The following NEURL1 variants were observed in gnomAD, a reference collection of about 807,000 sequenced individuals.
The protein encoded by NEURL1 is neuralized E3 ubiquitin protein ligase 1.
NEURL1 carries 26 observed loss-of-function variants against 41.2 expected under a neutral mutation model. The observed-to-expected ratio is 0.63, with a 90% CI of 0.46 to 0.87. The LOEUF (loss-of-function observed/expected upper bound fraction) is 0.87. Among genes scored for constraint, NEURL1 ranks in the 40% least tolerant of loss-of-function variants. The pLI is 0.00. For synonymous variants in NEURL1, 400 were observed against 402.3 expected (o/e 0.99, Z 0.07); for missense variants, 761 against 871.1 (o/e 0.87, Z 1.59).
At position 103,574,858 on chromosome 10, in the gene NEURL1, G is replaced by A. The variant is rs553386217; in HGVS notation, c.649+3036G>A. Among the ~76,000 whole-genome samples the A allele has an allele frequency of 7.2e-5, 11 of 152,268 alleles. No homozygotes were observed. The East Asian group carries it at 1.9e-3, about 27-fold the overall frequency. On this transcript the variant is annotated intron_variant, in intron 3 of 5. Transcript: ENST00000369780. ...CTGACAGGCTCCTCTCTGCACACCC[G>A]ATAAGGCTAAGGCCCCAGCGGATTC...
At chr10:103,494,784 G>C in intron 1 of NEURL1, 1 of 331,450 alleles carries the variant, frequency 3.0e-6, no homozygotes, top group Non-Finnish European at 5.3e-6. Flanking sequence ...GGAGTGGGGA[G>C]TGAGGAGGGA....
intron 4 of NEURL1, chr10:103,588,742 G>A: frequency 2.4e-6 from 1 of 423,756 alleles, no homozygotes; most frequent in South Asian, 1.7e-5. Context: ...TGAGGAGATG[G>A]AGACCATCTT....
intron 1 of NEURL1, among the ~76,000 whole-genome samples, chr10:103,522,382 C>T (rs1042136850): frequency 1.9e-4 from 29 of 151,072 alleles, no homozygotes; most frequent in African/African-American, 6.6e-4. Context: ...CCGAGGTGAG[C>T]GGGTCACCTG....
At chr10:103,519,917 G>T (rs2133854268) in intron 1 of NEURL1, among the ~76,000 whole-genome samples, 1 of 151,838 alleles carries the variant, frequency 6.6e-6, no homozygotes, top group Non-Finnish European at 1.5e-5. Context: ...CTGAGTAGCC[G>T]AGACTACAGG....
At chr10:103,526,928 C>CT (rs112480877) in intron 1 of NEURL1, among the ~76,000 whole-genome samples, 65,744 of 147,130 alleles carry the variant, frequency 0.45, 15,068 homozygotes, top group African/African-American at 0.58. Flanking sequence ...GTGGTATCAT[C>CT]TTTTTTTTTT....
At chr10:103,576,989 T>C (rs2035679336) in intron 3 of NEURL1, among the ~76,000 whole-genome samples, 1 of 152,114 alleles carries the variant, frequency 6.6e-6, no homozygotes, top group South Asian at 2.1e-4. Context: ...CACACTGCCA[T>C]CTGGGCCTTC....
chr10:103,539,917 G>T (rs556958409), intron 1 of NEURL1, among the ~76,000 whole-genome samples: 62 of 152,104 alleles, frequency 4.1e-4, no homozygotes, highest in Non-Finnish European at 6.2e-4. Context: ...CTGGAATGTG[G>T]GCAAGCTGGC....
intron 1 of NEURL1, among the ~76,000 whole-genome samples, chr10:103,569,021 C>G (rs935791658): frequency 5.6e-4 from 86 of 152,244 alleles, no homozygotes; most frequent in African/African-American, 2.0e-3. Flanking sequence ...CACCATATTG[C>G]CCAGGCTGGT....
At chr10:103,503,664 C>G (rs1018696500) in intron 1 of NEURL1, among the ~76,000 whole-genome samples, 1 of 152,122 alleles carries the variant, frequency 6.6e-6, no homozygotes, top group African/African-American at 2.4e-5. Context: ...GAGTGCTCAC[C>G]ACTTCCAGCT....
rs184225335 is a variant in NEURL1 at position 103,536,424 on chromosome 10, G to T, written c.86-34448G>T. Among the ~76,000 whole-genome samples, 120 of 152,148 alleles carry T rather than the reference G, an allele frequency of 7.9e-4. 1 individual carries two copies. Among genetic ancestry groups the T allele is most frequent in the African/African-American group, 2.8e-3 (116 of 41,508 alleles). ...CTGGGCGTGGGGGTGGGCACCTGTA[G>T]TTCCAGCTACTTGGGAGGCTGAGGC... On this transcript the variant is annotated intron_variant, in intron 1 of 5. Transcript: ENST00000369780.
In NEURL1 at chr10:103,590,463, C is replaced by T. The variant is rs2036017826; in HGVS notation, c.*91C>T. On this transcript the variant is annotated 3_prime_UTR_variant, in exon 6 of 6. Transcript: ENST00000369780. ...CAAGCCAGTGGGGCCCCTTCTCTTCCTCATTTTGGAAACTTTTCCTCCTCT... is the reference window on the plus strand; with the variant it reads ...CAAGCCAGTGGGGCCCCTTCTCTTCTTCATTTTGGAAACTTTTCCTCCTCT... The T allele has an allele frequency of 2.9e-6, 3 of 1,038,112 alleles. No homozygotes were observed. Among genetic ancestry groups the T allele is most frequent in the East Asian group, 4.9e-5 (2 of 41,038 alleles). 64.3% of individuals were successfully genotyped at this position (1,038,112 alleles called of 1,614,324 possible). A position where few individuals can be genotyped will look rare whatever the true frequency, so the allele number is the denominator to read the frequency against.
At chr10:103,584,320 TCA>T (rs1281889319) in intron 3 of NEURL1, among the ~76,000 whole-genome samples, 1 of 152,218 alleles carries the variant, frequency 6.6e-6, no homozygotes, top group East Asian at 1.9e-4. Flanking sequence ...CCACATGGTT[TCA>T]GTTTCGGTGC....
intron 1 of NEURL1, among the ~76,000 whole-genome samples, chr10:103,561,160 G>A (rs542754503): frequency 3.1e-4 from 47 of 152,300 alleles, no homozygotes; most frequent in Middle Eastern, 6.8e-3. Flanking sequence ...GCTTCCCCCC[G>A]AGGGAGCAAT....
chr10:103,550,848 C>A (rs2035018295), intron 1 of NEURL1: 1 of 152,190 alleles, frequency 6.6e-6, no homozygotes, highest in Non-Finnish European at 1.5e-5. Flanking sequence ...AGTTTTATAG[C>A]CCGAAAATGG....
At chr10:103,538,088 C>CATTT (rs755508466) in intron 1 of NEURL1, among the ~76,000 whole-genome samples, 35 of 151,884 alleles carry the variant, frequency 2.3e-4, no homozygotes, top group Non-Finnish European at 3.7e-4. Flanking sequence ...ATCAATAATC[C>CATTT]ATTTATTTAT....
chr10:103,521,097 A>G (rs2034338679), intron 1 of NEURL1, among the ~76,000 whole-genome samples: 1 of 152,092 alleles, frequency 6.6e-6, no homozygotes, highest in Non-Finnish European at 1.5e-5. Context: ...TTTAAGTTGG[A>G]GGCTGAGCTT....
At chr10:103,543,113 G>A (rs905080484) in intron 1 of NEURL1, among the ~76,000 whole-genome samples, 3 of 152,282 alleles carry the variant, frequency 2.0e-5, no homozygotes, top group Middle Eastern at 3.4e-3. Context: ...GCTTTAATCC[G>A]GGAGAAGCTG....
intron 1 of NEURL1, chr10:103,517,286 C>G (rs2034238273): frequency 6.5e-6 from 1 of 152,788 alleles, no homozygotes; most frequent in African/African-American, 2.4e-5. Flanking sequence ...CTTGGCCTCC[C>G]AAAGTGTTGG....
chr10:103,519,848 A>C (rs1034444352), intron 1 of NEURL1, among the ~76,000 whole-genome samples: 1 of 151,090 alleles, frequency 6.6e-6, no homozygotes, highest in African/African-American at 2.4e-5. Flanking sequence ...CAGTGGCGTG[A>C]TAATGGTTTA....
Sources: gnomAD v4.1 joint callset for allele counts (sites outside exome capture counted in the v4.1 genomes callset) on GRCh38, gnomAD v4.1.1 for gene constraint, MANE v1.5 for transcripts, NCBI Gene and HGNC (gene_info 2026-07-23, HGNC 2026-07-21) for gene names.